The following ADGRL3 variants were observed in gnomAD, a reference collection of about 807,000 sequenced individuals.
The protein encoded by ADGRL3 is calcium-independent alpha-latrotoxin receptor 3.
A neutral mutation model predicts 153.5 loss-of-function variants in ADGRL3; 62 were observed. That is an observed-to-expected ratio of 0.40 (90% CI 0.33 to 0.50). ADGRL3 has a LOEUF of 0.50. ADGRL3 is among the 20% of genes least tolerant of loss of function. The probability of loss-of-function intolerance (pLI) is 0.47; values close to 1 mark genes in which losing one functional copy is unlikely to be tolerated. For missense variants in ADGRL3, 1,641 were observed against 1,859.4 expected (o/e 0.88, Z 2.16); for synonymous variants, 710 against 672.5 (o/e 1.06, Z -0.86).
intron 25 of ADGRL3, among the ~76,000 whole-genome samples, chr4:62,047,421 A>G (rs1731697378): frequency 6.6e-6 from 1 of 152,112 alleles, no homozygotes; most frequent in South Asian, 2.1e-4. Flanking sequence ...TTAGGAATAA[A>G]GAATACATCA....
chr4:61,374,721 T>C (rs1360996554), intron 1 of ADGRL3, among the ~76,000 whole-genome samples: 2 of 152,134 alleles, frequency 1.3e-5, no homozygotes, highest in Non-Finnish European at 2.9e-5. Context: ...CCAGATTTTT[T>C]TTTCACTTGT....
At chr4:61,662,267 C>T (rs1197454845) in intron 5 of ADGRL3, among the ~76,000 whole-genome samples, 2 of 152,238 alleles carry the variant, frequency 1.3e-5, no homozygotes. Flanking sequence ...CTCCCAGGCA[C>T]AGCTGTAGCT....
intron 6 of ADGRL3, among the ~76,000 whole-genome samples, chr4:61,699,288 A>G (rs2095703482): frequency 6.6e-6 from 1 of 152,210 alleles, no homozygotes; most frequent in Non-Finnish European, 1.5e-5. Context: ...TAAGGTGAAT[A>G]TCAGATTCAT....
At chr4:61,314,163 C>G (rs1408193384) in intron 1 of ADGRL3, among the ~76,000 whole-genome samples, 1 of 151,432 alleles carries the variant, frequency 6.6e-6, no homozygotes. Context: ...ATAAACCCAT[C>G]TAGCACAAGC....
chr4:61,686,404 G>A (rs1424562600), intron 6 of ADGRL3, among the ~76,000 whole-genome samples: 1 of 152,016 alleles, frequency 6.6e-6, no homozygotes, highest in Non-Finnish European at 1.5e-5. Flanking sequence ...TAGCATTGTT[G>A]ATTTTCTTCT....
chr4:61,530,807 TA>T (rs1560791828), intron 4 of ADGRL3, among the ~76,000 whole-genome samples: 1 of 152,220 alleles, frequency 6.6e-6, no homozygotes, highest in Non-Finnish European at 1.5e-5. Flanking sequence ...TTCATCTGTG[TA>T]TTTTTGGCAG....
chr4:61,837,159 A>AT (rs1038778265), intron 9 of ADGRL3, among the ~76,000 whole-genome samples: 1 of 152,134 alleles, frequency 6.6e-6, no homozygotes, highest in Non-Finnish European at 1.5e-5. Context: ...GAGTAACTAC[A>AT]TTTTTTAGAG....
chr4:61,919,340 C>T (rs1363399891), intron 13 of ADGRL3, among the ~76,000 whole-genome samples: 1 of 152,130 alleles, frequency 6.6e-6, no homozygotes, highest in Non-Finnish European at 1.5e-5. Context: ...GGTTTGGTAA[C>T]CCTTTGTTAA....
rs761335675 is a variant in ADGRL3, at chr4:61,892,772, C to T, written c.1597C>T (p.Arg533Trp). 5.6e-6 allele frequency: 9 copies of T among 1,613,696 alleles called. No individual in the cohort carries two copies. Among genetic ancestry groups the T allele is most frequent in the Middle Eastern group, 1.6e-4 (1 of 6,062 alleles). Residue 533 changes from arginine (R) to tryptophan (W), a missense_variant, in exon 10 of 27, where the codon CGG (arginine) becomes TGG (tryptophan). Around this residue, in one of 5 missense-constraint regions of ADGRL3, gnomAD observed 734 missense variants for 797.0 expected, o/e 0.92. Coordinates refer to ENST00000683033, the MANE Select transcript of ADGRL3 (RefSeq NM_001387552.1). ...TTPSVSGRRNRSTSTPSPAVE... is the reference protein window; with the variant it reads ...TTPSVSGRRNWSTSTPSPAVE... ...CCCGTCAGTGTCAGGAAGAAGAAAC[C>T]GGAGTACTAGTACCCCATCTCCAGC...
intron 18 of ADGRL3, among the ~76,000 whole-genome samples, chr4:61,981,466 G>T (rs557382637): frequency 6.6e-6 from 1 of 151,364 alleles, no homozygotes. Context: ...GTCTTTAATT[G>T]CCAGCCTTGT....
At chr4:61,743,455 TTAAG>T (rs2096610103) in intron 8 of ADGRL3, among the ~76,000 whole-genome samples, 1 of 152,192 alleles carries the variant, frequency 6.6e-6, no homozygotes, top group African/African-American at 2.4e-5. Context: ...AGTTATTTTT[TTAAG>T]TGAGAATGTC....
At chr4:61,289,528 A>G (rs188920624) in intron 1 of ADGRL3, among the ~76,000 whole-genome samples, 1 of 152,160 alleles carries the variant, frequency 6.6e-6, no homozygotes, top group African/African-American at 2.4e-5. Context: ...CCTTTATGGC[A>G]TAGTCATAAT....
chr4:61,726,210 G>GTTTTTATTTTTTTTTTTTTTTTT (rs2096336878), intron 6 of ADGRL3, among the ~76,000 whole-genome samples: 1 of 118,480 alleles, frequency 8.4e-6, no homozygotes, highest in Non-Finnish European at 1.7e-5. Flanking sequence ...TTTTTTTTTT[G>GTTTTTATTTTTTTTTTTTTTTTT]TTTTTTGAGA....
intron 4 of ADGRL3, among the ~76,000 whole-genome samples, chr4:61,554,813 T>C (rs1400852942): frequency 6.6e-6 from 1 of 152,208 alleles, no homozygotes; most frequent in Non-Finnish European, 1.5e-5. Context: ...GACGGAAGTT[T>C]ACTTCACACA....
At chr4:61,702,338 A>T (rs976240866) in intron 6 of ADGRL3, among the ~76,000 whole-genome samples, 16 of 152,224 alleles carry the variant, frequency 1.1e-4, no homozygotes, top group African/African-American at 3.9e-4. Flanking sequence ...CAGCATGATC[A>T]GAAGTCTTAT....
intron 5 of ADGRL3, among the ~76,000 whole-genome samples, chr4:61,615,822 A>G (rs1283783918): frequency 1.3e-5 from 2 of 152,086 alleles, no homozygotes; most frequent in Non-Finnish European, 2.9e-5. Flanking sequence ...AATTTCAAAT[A>G]CAAGTATACT....
chr4:61,461,101 C>T (rs180922432), intron 2 of ADGRL3, among the ~76,000 whole-genome samples: 1 of 152,100 alleles, frequency 6.6e-6, no homozygotes, highest in Non-Finnish European at 1.5e-5. Flanking sequence ...AAAGCCATCA[C>T]ATCTCGTGAG....
intron 15 of ADGRL3, among the ~76,000 whole-genome samples, chr4:61,940,689 G>T (rs2098886247): frequency 1.7e-4 from 1 of 5,878 alleles, no homozygotes; most frequent in Non-Finnish European, 2.6e-4. Context: ...CAGTGATGAT[G>T]AGCATTTCTT....
intron 19 of ADGRL3, among the ~76,000 whole-genome samples, chr4:61,993,164 T>TTGTGTGTG (rs3065140): frequency 0.077 from 10,659 of 138,388 alleles, 513 homozygotes; most frequent in East Asian, 0.14. Flanking sequence ...TGGGCTGCAG[T>TTGTGTGTG]TGTGTGTGTG....
Sources: gnomAD v4.1 joint callset for allele counts (sites outside exome capture counted in the v4.1 genomes callset) on GRCh38, gnomAD v4.1.1 for gene constraint, gnomAD v4.1.1 regional missense constraint, MANE v1.5 for transcripts, NCBI Gene and HGNC (gene_info 2026-07-23, HGNC 2026-07-21) for gene names.